BRD4: variants seen among roughly 807,000 people sequenced by gnomAD.
BRD4 encodes bromodomain containing 4.
A neutral mutation model predicts 142.1 loss-of-function variants in BRD4; 16 were observed. The observed-to-expected ratio is 0.11, with a 90% CI of 0.08 to 0.17. BRD4 has a LOEUF of 0.17. BRD4 is among the 10% of genes least tolerant of loss of function. The probability of loss-of-function intolerance (pLI) is 1.00; values close to 1 mark genes in which losing one functional copy is unlikely to be tolerated. For missense variants in BRD4, 1,424 were observed against 1,810.9 expected, an observed-to-expected ratio of 0.79 and a Z score of 3.88; for synonymous variants, 833 against 707.5, an observed-to-expected ratio of 1.18 and a Z score of -2.82.
chr19:15,281,533 C>G (rs909571448), intron 1 of BRD4, among the ~76,000 whole-genome samples: 8 of 152,194 alleles, frequency 5.3e-5, no homozygotes, highest in African/African-American at 1.9e-4. Context: ...AATGCTGCAG[C>G]ATCTTTTCAC....
intron 1 of BRD4, among the ~76,000 whole-genome samples, chr19:15,300,992 G>A (rs1436676552): frequency 6.6e-6 from 1 of 152,218 alleles, no homozygotes; most frequent in Non-Finnish European, 1.5e-5. Context: ...AGCTTTAGCA[G>A]CTTCATTAAG....
At chr19:15,256,318 C>G in intron 8 of BRD4, 55 bp from the exon 9 acceptor site, 1 of 1,578,860 alleles carries the variant, frequency 6.3e-7, no homozygotes, top group Non-Finnish European at 8.6e-7. Context: ...CTTCCTGTCA[C>G]CCAAGACCCA....
intron 1 of BRD4, among the ~76,000 whole-genome samples, chr19:15,316,034 T>C (rs2048014965): frequency 6.6e-6 from 1 of 150,716 alleles, no homozygotes; most frequent in Non-Finnish European, 1.5e-5. Flanking sequence ...CGGGCGCCTG[T>C]GGTCCCAGCT....
intron 1 of BRD4, among the ~76,000 whole-genome samples, chr19:15,328,156 G>A (rs2048125871): frequency 6.6e-6 from 1 of 152,050 alleles, no homozygotes; most frequent in African/African-American, 2.4e-5. Context: ...GCATATTAAA[G>A]TCATTATACA....
chr19:15,310,769 A>G (rs1415147016), intron 1 of BRD4, among the ~76,000 whole-genome samples: 1 of 149,428 alleles, frequency 6.7e-6, no homozygotes, highest in African/African-American at 2.5e-5. Context: ...TGCTAGGATT[A>G]CAGGCATGAG....
chr19:15,292,164 A>C (rs1431061065), intron 1 of BRD4, among the ~76,000 whole-genome samples: 2 of 152,208 alleles, frequency 1.3e-5, no homozygotes, highest in East Asian at 3.9e-4. Context: ...GAGACCCCCT[A>C]GTTATCACAA....
intron 1 of BRD4, among the ~76,000 whole-genome samples, chr19:15,328,112 C>T (rs2048125441): frequency 6.6e-6 from 1 of 151,938 alleles, no homozygotes; most frequent in African/African-American, 2.4e-5. Context: ...ATTCAATAAA[C>T]GTGGAGGATG....
chr19:15,237,239 A>G lies in BRD4; in HGVS notation c.*1138T>C, dbSNP rs1404705210. The G allele has an allele frequency of 1.2e-4, 2 of 16,240 alleles. No homozygotes were observed. Among genetic ancestry groups the G allele is most frequent in the Non-Finnish European group, 2.2e-4 (2 of 9,118 alleles). 1.0% of individuals were successfully genotyped at this position (16,240 alleles called of 1,614,324 possible). ...ACATTAAAAAACAAAAAAGCCAACA[A>G]ATGGGTGGGGGGGGGGGGGGTGGAG... On this transcript the variant is annotated 3_prime_UTR_variant, in exon 20 of 20. Transcript: ENST00000679869.
In BRD4 at chr19:15,237,710, C is replaced by T. The variant is rs1333757911; in HGVS notation, c.*667G>A. ...GGCCTCACTCCCCGGCCGAGGGCTA[C>T]CCACGCAGGACAGTCGCCTCGCTCC... On this transcript the variant is annotated 3_prime_UTR_variant, in exon 20 of 20. Transcript: ENST00000679869. 8.6e-6 allele frequency: 2 copies of T among 232,844 alleles called. No homozygotes were observed. The highest frequency in any genetic ancestry group is 1.7e-5 in the Non-Finnish European group (2 of 117,850). 14.4% of individuals were successfully genotyped at this position (232,844 alleles called of 1,614,324 possible).
chr19:15,324,378 C>T (rs956788692), intron 1 of BRD4, among the ~76,000 whole-genome samples: 1 of 152,206 alleles, frequency 6.6e-6, no homozygotes, highest in Non-Finnish European at 1.5e-5. Flanking sequence ...CAAAAGGCAA[C>T]CTTTGTGGAA....
At chr19:15,282,143 C>A (rs560002054) in intron 1 of BRD4, among the ~76,000 whole-genome samples, 1 of 152,354 alleles carries the variant, frequency 6.6e-6, no homozygotes, top group South Asian at 2.1e-4. Context: ...GCAGGACAAA[C>A]AGCCTGTTAA....
intron 1 of BRD4, among the ~76,000 whole-genome samples, chr19:15,299,467 TTGG>T (rs1396727946): frequency 6.6e-6 from 1 of 152,098 alleles, no homozygotes; most frequent in Non-Finnish European, 1.5e-5. Context: ...CAAGAGTCCC[TTGG>T]TGGTGGTGGT....
chr19:15,271,909 T>TACACACCAGTGGCTCTGGTGTGC (rs558544074), intron 2 of BRD4, among the ~76,000 whole-genome samples: 9,776 of 140,418 alleles, frequency 0.07, 616 homozygotes, highest in African/African-American at 0.088. Flanking sequence ...AGGCCGCTCC[T>TACACACCAGTGGCTCTGGTGTGC]ACACACCAGT....
chr19:15,288,829 A>G (rs1043318095), intron 1 of BRD4, among the ~76,000 whole-genome samples: 2 of 152,162 alleles, frequency 1.3e-5, no homozygotes, highest in African/African-American at 4.8e-5. Context: ...CTGGCACCAG[A>G]GAGAACACGC....
intron 1 of BRD4, chr19:15,280,600 C>T (rs1285809604): frequency 1.1e-5 from 3 of 284,466 alleles, no homozygotes; most frequent in Non-Finnish European, 1.6e-5. Flanking sequence ...GGAAGGGACA[C>T]CAAGTTGTTA....
intron 1 of BRD4, among the ~76,000 whole-genome samples, chr19:15,319,935 C>CCAAAA (rs755820581): frequency 1.1e-4 from 16 of 152,230 alleles, no homozygotes; most frequent in South Asian, 1.0e-3. Context: ...GACTCTACCT[C>CCAAAA]CAAAACAAAA....
At chr19:15,322,550 CAT>C (rs2048070754) in intron 1 of BRD4, among the ~76,000 whole-genome samples, 1 of 121,026 alleles carries the variant, frequency 8.3e-6, no homozygotes, top group African/African-American at 3.6e-5. Flanking sequence ...TCTACTAAAA[CAT>C]ACAAAAAAAA....
chr19:15,263,997 G>A (rs964295554), intron 6 of BRD4: 2 of 232,566 alleles, frequency 8.6e-6, no homozygotes, highest in Non-Finnish European at 1.7e-5. Context: ...TGGTGAAAAT[G>A]TCGGCACTTA....
intron 8 of BRD4, 137 bp downstream of exon 8, chr19:15,256,826 GA>G: frequency 8.1e-6 from 6 of 737,488 alleles, no homozygotes; most frequent in Non-Finnish European, 1.3e-5. Flanking sequence ...TAGCAAAGGG[GA>G]AAAGGCCACA....
Sources: allele counts gnomAD v4.1 joint callset (sites outside exome capture counted in the v4.1 genomes callset), GRCh38; gene constraint gnomAD v4.1.1; transcripts MANE v1.5; gene names NCBI Gene and HGNC (gene_info 2026-07-23, HGNC 2026-07-21).